Variants in HUNK observed in about 807,000 individuals in gnomAD.
HUNK encodes the protein hormonally up-regulated Neu-associated kinase.
In HUNK, 21 loss-of-function variants were observed where a neutral mutation model predicts 61.0. That is an observed-to-expected ratio of 0.34 (90% confidence interval 0.24 to 0.50). The LOEUF is 0.50. HUNK is among the 20% of genes least tolerant of loss of function. The pLI is 0.98. For missense variants in HUNK, 772 were observed against 945.7 expected (o/e 0.82, Z 2.41); for synonymous variants, 371 against 386.1 (o/e 0.96, Z 0.46).
chr21:31,952,289 T>G (rs532782604), intron 4 of HUNK, among the ~76,000 whole-genome samples: 1 of 152,138 alleles, frequency 6.6e-6, no homozygotes, highest in African/African-American at 2.4e-5. Context: ...TGGAAAGATA[T>G]TGCTTTCAGG....
chr21:31,873,844 G>T lies in HUNK; in HGVS notation c.170G>T (p.Arg57Leu). Residue 57 changes from arginine to leucine, a missense_variant, in exon 1 of 11, where the codon CGC becomes CTC. By Grantham distance (102) the Arg-to-Leu change is moderately radical (BLOSUM62 -2). Transcript: ENST00000270112. This position sits in a 1 kb window ranked among gnomAD's most constrained non-coding sequence, Gnocchi z 6.1. ...ERLRDFQHHK[R>L]VGNYLIGSRK... ...CTCCGCGACTTCCAGCACCACAAGC[G>T]CGTGGGCAACTACCTCATCGGCAGC... The T allele has an allele frequency of 3.8e-6, 6 of 1,585,824 alleles. No individual in the cohort carries two copies. Among genetic ancestry groups the T allele is most frequent in the Non-Finnish European group, 5.1e-6 (6 of 1,168,458 alleles).
chr21:31,991,107 G>A (rs2053169386), intron 9 of HUNK, among the ~76,000 whole-genome samples: 1 of 152,162 alleles, frequency 6.6e-6, no homozygotes. Context: ...GTTTTTTATT[G>A]TCTTGTTACA....
rs55976679 is a variant in HUNK at position 31,974,624 on chromosome 21, C to G, written c.1080C>G (p.Ser360Arg). The G allele has an allele frequency of 1.3e-5, 21 of 1,613,628 alleles. No individual in the cohort carries two copies. The highest frequency in any genetic ancestry group is 1.8e-5 in the Non-Finnish European group (21 of 1,179,912). Residue 360 changes from serine (S) to arginine (R), a missense_variant, in exon 7 of 11, where the codon AGC becomes AGG. Physicochemically the swap from Ser to Arg is moderately radical, Grantham distance 110. Coordinates refer to ENST00000270112, the MANE Select transcript of HUNK (RefSeq NM_014586.2). The stretch of plus-strand genomic sequence containing the variant: ...CCGAGAAGCTGGGTTACAAGAACAG[C>G]GACGTGATCAACACTGTGCTCTCCA... ...HMTEKLGYKN[S>R]DVINTVLSNR...
intron 1 of HUNK, among the ~76,000 whole-genome samples, chr21:31,893,762 A>C (rs544737522): frequency 1.3e-5 from 2 of 152,346 alleles, no homozygotes; most frequent in East Asian, 3.9e-4. Context: ...TTAATTCTCC[A>C]TGTTTTTGAT....
At chr21:31,899,507 C>T (rs548944217) in intron 1 of HUNK, among the ~76,000 whole-genome samples, 15 of 152,348 alleles carry the variant, frequency 9.8e-5, no homozygotes, top group African/African-American at 3.4e-4. Context: ...TCCTACTCCA[C>T]TATGATCTTA....
intron 4 of HUNK, among the ~76,000 whole-genome samples, chr21:31,955,196 G>T (rs1006543201): frequency 6.6e-6 from 1 of 151,834 alleles, no homozygotes; most frequent in South Asian, 2.1e-4. Flanking sequence ...AAGCACAGAT[G>T]CATCACTGAC....
At chr21:31,956,470 A>T (rs1822777778) in intron 4 of HUNK, among the ~76,000 whole-genome samples, 1 of 152,204 alleles carries the variant, frequency 6.6e-6, no homozygotes, top group South Asian at 2.1e-4. Flanking sequence ...CCGATCTCCA[A>T]GAATTTTTCG....
intron 1 of HUNK, among the ~76,000 whole-genome samples, chr21:31,895,766 C>T (rs16988605): frequency 0.017 from 2,538 of 152,300 alleles, 73 homozygotes; most frequent in Admixed American, 0.07. Context: ...GAGCTCTTGT[C>T]ATCCTGATCA....
chr21:31,915,990 A>G (rs2123810015), intron 1 of HUNK, among the ~76,000 whole-genome samples: 1 of 151,598 alleles, frequency 6.6e-6, no homozygotes, highest in East Asian at 1.9e-4. Context: ...TGATAATAAC[A>G]GCATCAATTT....
At chr21:31,952,693 G>A (rs1237347374) in intron 4 of HUNK, among the ~76,000 whole-genome samples, 1 of 151,680 alleles carries the variant, frequency 6.6e-6, no homozygotes, top group Non-Finnish European at 1.5e-5. Flanking sequence ...TCATAAGTAA[G>A]GGCCCTTTTC....
chr21:31,882,969 A>G (rs1023281237), intron 1 of HUNK, among the ~76,000 whole-genome samples: 14 of 152,160 alleles, frequency 9.2e-5, no homozygotes, highest in African/African-American at 3.4e-4. Flanking sequence ...GTGTGGAAGT[A>G]TCATGTTGAC....
In HUNK at chr21:31,990,170, C is replaced by T. The variant is rs771367422; in HGVS notation, c.1299C>T (p.Ala433=). 9.9e-6 allele frequency: 16 copies of T among 1,613,442 alleles called. No homozygotes were observed. The highest frequency in any genetic ancestry group is 6.7e-5 in the East Asian group (3 of 44,882). The change falls in exon 9 of 11, where the codon GCC becomes GCT. Residue 433 remains alanine, a synonymous_variant. Coordinates refer to ENST00000270112, the MANE Select transcript of HUNK (RefSeq NM_014586.2). ...GGACACGAGATCTTGAATTCCATGCCGTGCAGGTAAGAACTTGGGGGATTA... is the reference window on the plus strand; with the variant it reads ...GGACACGAGATCTTGAATTCCATGCTGTGCAGGTAAGAACTTGGGGGATTA... ...DTWTRDLEFH[A]VQDKKPKEQE...
At chr21:31,993,796 C>T (rs1285479081) in intron 9 of HUNK, among the ~76,000 whole-genome samples, 2 of 152,100 alleles carry the variant, frequency 1.3e-5, no homozygotes, top group Non-Finnish European at 2.9e-5. Context: ...ACCAAGGTGA[C>T]CTGGAGGACA....
At chr21:31,891,915 A>G (rs1388762310) in intron 1 of HUNK, among the ~76,000 whole-genome samples, 2 of 152,036 alleles carry the variant, frequency 1.3e-5, no homozygotes, top group East Asian at 3.9e-4. Flanking sequence ...AAATCTTTGC[A>G]TTGGGTAGGG....
At chr21:31,944,847 C>T (rs1482588339) in intron 3 of HUNK, among the ~76,000 whole-genome samples, 3 of 152,116 alleles carry the variant, frequency 2.0e-5, no homozygotes, top group Non-Finnish European at 4.4e-5. Context: ...AAAAGCTTAA[C>T]GCAATGACTT....
rs5843536 is a variant in HUNK, at chr21:31,999,876, A to AT, written c.*700dup. ...AATGATTGAATTATCTTTTCCAAAG[A>AT]TTTTTTTTAAATGTGATGTCGGTAA... is the stretch of plus-strand genomic sequence containing the variant. On this transcript the variant is annotated 3_prime_UTR_variant, in exon 11 of 11. Transcript: ENST00000270112. 206,877 of 284,308 alleles carry AT rather than the reference A, an allele frequency of 0.73. 75,672 individuals are homozygous for AT. The highest frequency in any genetic ancestry group is 0.76 in the Non-Finnish European group (116,832 of 154,000). 17.6% of individuals were successfully genotyped at this position (284,308 alleles called of 1,614,324 possible). A position where few individuals can be genotyped will look rare whatever the true frequency, so the allele number is the denominator to read the frequency against.
intron 9 of HUNK, among the ~76,000 whole-genome samples, chr21:31,990,609 C>G (rs896972700): frequency 2.0e-5 from 3 of 151,548 alleles, no homozygotes; most frequent in South Asian, 2.1e-4. Flanking sequence ...GATCTTGGCT[C>G]ACTGCAACCT....
chr21:31,974,399 C>T, intron 6 of HUNK, 156 bp from the exon 7 acceptor site: 1 of 652,864 alleles, frequency 1.5e-6, no homozygotes, highest in Non-Finnish European at 2.6e-6. Context: ...TTGTACTATT[C>T]CCTCCGCTTT....
chr21:31,933,784 C>CAA (rs373565140), intron 2 of HUNK, among the ~76,000 whole-genome samples: 1,793 of 111,182 alleles, frequency 0.016, 37 homozygotes, highest in African/African-American at 0.052. Context: ...GACTCTGTCT[C>CAA]AAAAAAAAAA....
Sources: gnomAD v4.1 joint callset for allele counts (sites outside exome capture counted in the v4.1 genomes callset) on GRCh38, gnomAD v4.1.1 for gene constraint, Gnocchi (gnomAD v3.1) non-coding constraint, MANE v1.5 for transcripts, NCBI Gene and HGNC (gene_info 2026-07-23, HGNC 2026-07-21) for gene names.